HEMK2: variants seen among roughly 807,000 people sequenced by gnomAD.
The protein encoded by HEMK2 is HemK methyltransferase 2, ETF1 glutamine and histone H4 lysine, also known as methyltransferase HEMK2.
chr21:28,868,146 A>T, the HEMK2 span, among the ~76,000 whole-genome samples: 1 of 152,052 alleles, frequency 6.6e-6, no homozygotes, highest in South Asian at 2.1e-4. Flanking sequence ...ATATAAAACT[A>T]TCTTAATTAC....
the HEMK2 span, among the ~76,000 whole-genome samples, chr21:28,600,855 C>T: frequency 6.6e-6 from 1 of 152,174 alleles, no homozygotes; most frequent in African/African-American, 2.4e-5. Context: ...AGGGCAGGGG[C>T]AAAATGCCAC....
At chr21:28,857,802 A>C in the HEMK2 span, among the ~76,000 whole-genome samples, 2 of 152,136 alleles carry the variant, frequency 1.3e-5, no homozygotes, top group Non-Finnish European at 2.9e-5. Context: ...GCTACTCTCT[A>C]TGTTAAATCT....
At chr21:28,827,164 T>G in the HEMK2 span, among the ~76,000 whole-genome samples, 7 of 152,162 alleles carry the variant, frequency 4.6e-5, no homozygotes, top group Non-Finnish European at 1.0e-4. Context: ...TGGAACTGCT[T>G]TATAGGTATT....
At chr21:28,732,988 C>T in the HEMK2 span, among the ~76,000 whole-genome samples, 2 of 152,238 alleles carry the variant, frequency 1.3e-5, no homozygotes, top group East Asian at 3.9e-4. Flanking sequence ...CAAACAAAAA[C>T]ATTAAGAATG....
chr21:28,656,948 CAAT>C, the HEMK2 span, among the ~76,000 whole-genome samples: 1 of 152,028 alleles, frequency 6.6e-6, no homozygotes, highest in Non-Finnish European at 1.5e-5. Flanking sequence ...TAAACATTTA[CAAT>C]AATATTTGTG....
chr21:28,762,266 A>G, the HEMK2 span, among the ~76,000 whole-genome samples: 1 of 152,070 alleles, frequency 6.6e-6, no homozygotes, highest in African/African-American at 2.4e-5. Flanking sequence ...TATTCCTGTA[A>G]TCCTTTAAAG....
chr21:28,823,912 A>G, the HEMK2 span, among the ~76,000 whole-genome samples: 2 of 152,154 alleles, frequency 1.3e-5, no homozygotes, highest in African/African-American at 4.8e-5. Context: ...TGATCTGCCA[A>G]TCATCTCCAT....
the HEMK2 span, among the ~76,000 whole-genome samples, chr21:28,584,696 G>A: frequency 4.6e-5 from 7 of 152,118 alleles, no homozygotes; most frequent in Non-Finnish European, 1.0e-4. Context: ...AGGGTACTGT[G>A]GACTAAGCCT....
chr21:28,742,168 A>T, the HEMK2 span, among the ~76,000 whole-genome samples: 1 of 152,206 alleles, frequency 6.6e-6, no homozygotes, highest in East Asian at 1.9e-4. Context: ...AGTAGCTTGG[A>T]CAGAGACCGT....
the HEMK2 span, among the ~76,000 whole-genome samples, chr21:28,713,048 C>T: frequency 6.6e-6 from 1 of 152,194 alleles, no homozygotes; most frequent in Non-Finnish European, 1.5e-5. Flanking sequence ...GACAAAGGTA[C>T]TCTGCAAAGT....
the HEMK2 span, among the ~76,000 whole-genome samples, chr21:28,645,354 G>A: frequency 3.5e-4 from 54 of 152,184 alleles, no homozygotes; most frequent in South Asian, 2.1e-4. Context: ...AAATTATTCC[G>A]TTTATCTCAC....
chr21:28,843,088 T>G, the HEMK2 span, among the ~76,000 whole-genome samples: 1 of 152,170 alleles, frequency 6.6e-6, no homozygotes, highest in African/African-American at 2.4e-5. Flanking sequence ...CACTATTGGC[T>G]GAGTCTTCTC....
the HEMK2 span, among the ~76,000 whole-genome samples, chr21:28,610,762 G>A: frequency 2.0e-5 from 3 of 152,092 alleles, no homozygotes; most frequent in Admixed American, 1.3e-4. Context: ...TGTATCAGGC[G>A]AAACAAACTT....
the HEMK2 span, chr21:28,671,358 G>A: frequency 6.6e-6 from 1 of 152,232 alleles, no homozygotes; most frequent in South Asian, 2.1e-4. Flanking sequence ...GTAATAAAGT[G>A]GGCCCTAATC....
At chr21:28,729,969 T>C in the HEMK2 span, among the ~76,000 whole-genome samples, 2 of 152,162 alleles carry the variant, frequency 1.3e-5, no homozygotes, top group Non-Finnish European at 2.9e-5. Context: ...AGTATCCACT[T>C]ACATCTGAGG....
At chr21:28,797,766 T>C in the HEMK2 span, among the ~76,000 whole-genome samples, 1 of 152,318 alleles carries the variant, frequency 6.6e-6, no homozygotes, top group East Asian at 1.9e-4. Context: ...AACTAGCTTG[T>C]GTAAAACAGA....
chr21:28,680,987 G>A, the HEMK2 span, among the ~76,000 whole-genome samples: 919 of 152,200 alleles, frequency 6.0e-3, 11 homozygotes, highest in African/African-American at 0.021. Flanking sequence ...TTTGAAAACT[G>A]GCACAAGACA....
the HEMK2 span, among the ~76,000 whole-genome samples, chr21:28,607,829 A>G: frequency 6.6e-6 from 1 of 152,212 alleles, no homozygotes; most frequent in Non-Finnish European, 1.5e-5. Flanking sequence ...ATACGAAAAG[A>G]GAGGAAGAAA....
At chr21:28,694,947 G>A in the HEMK2 span, among the ~76,000 whole-genome samples, 8 of 150,780 alleles carry the variant, frequency 5.3e-5, no homozygotes, top group East Asian at 2.0e-4. Flanking sequence ...GCAGTGAGCC[G>A]AGATGGGGTC....
Sources: gnomAD v4.1 joint callset for allele counts (sites outside exome capture counted in the v4.1 genomes callset) on GRCh38, gnomAD v4.1.1 for gene constraint, MANE v1.5 for transcripts, NCBI Gene and HGNC (gene_info 2026-07-23, HGNC 2026-07-21) for gene names.